Variants in SEMA5A observed in about 807,000 individuals in gnomAD.
SEMA5A encodes the protein semaphorin 5A.
SEMA5A carries 55 observed loss-of-function variants against 135.5 expected under a neutral mutation model. The ratio of observed to expected loss-of-function variants is 0.41; its 90% confidence interval spans 0.33 to 0.51. The LOEUF is 0.51. Ranked by LOEUF, SEMA5A falls within the 20% of genes least tolerant of loss-of-function variation. SEMA5A has a pLI of 0.37. For synonymous variants in SEMA5A, 580 were observed against 546.5 expected, an observed-to-expected ratio of 1.06 and a Z score of -0.85; for missense variants, 1,290 against 1,419.9, an observed-to-expected ratio of 0.91 and a Z score of 1.47.
chr5:9,162,922 T>C (rs1425599970), intron 11 of SEMA5A, among the ~76,000 whole-genome samples: 1 of 152,166 alleles, frequency 6.6e-6, no homozygotes, highest in Non-Finnish European at 1.5e-5. Context: ...GGTTTCTGAA[T>C]TTTTGAAGGT....
At chr5:9,091,529 C>G (rs1739034147) in intron 16 of SEMA5A, among the ~76,000 whole-genome samples, 1 of 152,172 alleles carries the variant, frequency 6.6e-6, no homozygotes, top group African/African-American at 2.4e-5. Context: ...CATCTCCTTA[C>G]AAGCACTAGA....
intron 22 of SEMA5A, 84 bp downstream of exon 22, chr5:9,044,283 AACCACC>A: frequency 8.9e-7 from 1 of 1,120,462 alleles, no homozygotes; most frequent in Non-Finnish European, 1.3e-6. Flanking sequence ...TTTCAAAGGA[AACCACC>A]ACAGCAGAGA....
rs749703655 is a variant in SEMA5A at position 9,201,946 on chromosome 5, G to A, written c.932+9C>T. 1 of 1,610,914 alleles carries A rather than the reference G, an allele frequency of 6.2e-7. No homozygotes were observed. On this transcript the variant is annotated intron_variant, in intron 9 of 22. Transcript: ENST00000382496. ...AGAGAGGGGAGAAAAATTATTTCAAGTTACATACACATTGGTGGTAAAGAT... is the reference window on the plus strand; with the variant it reads ...AGAGAGGGGAGAAAAATTATTTCAAATTACATACACATTGGTGGTAAAGAT...
At chr5:9,287,255 A>G (rs1022482254) in intron 5 of SEMA5A, among the ~76,000 whole-genome samples, 4 of 152,206 alleles carry the variant, frequency 2.6e-5, no homozygotes, top group Non-Finnish European at 5.9e-5. Context: ...TATTAACATC[A>G]TCAGCTAGGG....
chr5:9,450,286 C>A (rs1052873101), intron 1 of SEMA5A, among the ~76,000 whole-genome samples: 1 of 152,284 alleles, frequency 6.6e-6, no homozygotes, highest in Non-Finnish European at 1.5e-5. Flanking sequence ...AAAATAGCTT[C>A]CCCTTAGAAA....
chr5:9,050,761 G>A (rs1314459935), intron 20 of SEMA5A, among the ~76,000 whole-genome samples: 1 of 152,198 alleles, frequency 6.6e-6, no homozygotes, highest in Non-Finnish European at 1.5e-5. Context: ...TGTCTTGCCG[G>A]GGGGATCCCC....
At chr5:9,284,695 G>T (rs1750708456) in intron 5 of SEMA5A, among the ~76,000 whole-genome samples, 1 of 152,028 alleles carries the variant, frequency 6.6e-6, no homozygotes, top group Non-Finnish European at 1.5e-5. Context: ...CCCTGATCAT[G>T]GGCTAATGCA....
intron 8 of SEMA5A, among the ~76,000 whole-genome samples, chr5:9,209,620 T>C (rs1746233963): frequency 6.6e-6 from 1 of 152,214 alleles, no homozygotes; most frequent in South Asian, 2.1e-4. Context: ...ATCATACTTC[T>C]TCCCAATAAG....
chr5:9,050,683 T>C (rs924234928), intron 20 of SEMA5A, among the ~76,000 whole-genome samples: 7 of 152,254 alleles, frequency 4.6e-5, no homozygotes, highest in African/African-American at 1.7e-4. Flanking sequence ...GATTCATTTA[T>C]CACAGAAAGA....
intron 4 of SEMA5A, among the ~76,000 whole-genome samples, chr5:9,332,916 C>T (rs1255538101): frequency 6.6e-6 from 1 of 152,222 alleles, no homozygotes; most frequent in African/African-American, 2.4e-5. Context: ...CCACCTTACC[C>T]ATGGCAGATG....
At position 9,484,669 on chromosome 5, in the gene SEMA5A, T is replaced by C. The variant is rs181020001; in HGVS notation, c.-174-46817A>G. Among the ~76,000 whole-genome samples the C allele has an allele frequency of 2.9e-4, 44 of 152,356 alleles. No homozygotes were observed. In the East Asian group the frequency reaches 6.9e-3, roughly 24 times the overall value. The stretch of plus-strand genomic sequence containing the variant: ...TTAAATGTTATTTGGATTGTTCATA[T>C]GCTTAACATTGAAGGTGTAATTAAG... On this transcript the variant is annotated intron_variant, in intron 1 of 22. Coordinates refer to ENST00000382496, the MANE Select transcript of SEMA5A (RefSeq NM_003966.3).
intron 1 of SEMA5A, among the ~76,000 whole-genome samples, chr5:9,503,995 T>A (rs1444679959): frequency 2.6e-5 from 4 of 151,978 alleles, no homozygotes; most frequent in Middle Eastern, 3.2e-3. Flanking sequence ...GGCGGGCAGA[T>A]CACAAGGTCA....
intron 1 of SEMA5A, among the ~76,000 whole-genome samples, chr5:9,486,279 G>T (rs150417534): frequency 0.015 from 2,293 of 152,218 alleles, 23 homozygotes; most frequent in Non-Finnish European, 0.023. Flanking sequence ...TGAGTGGGGT[G>T]GATTGTGAGG....
chr5:9,319,297 G>A (rs1246394200), intron 4 of SEMA5A, among the ~76,000 whole-genome samples: 2 of 152,146 alleles, frequency 1.3e-5, no homozygotes, highest in Non-Finnish European at 2.9e-5. Flanking sequence ...GAACTTGGTG[G>A]TCTGCCCAAA....
intron 16 of SEMA5A, among the ~76,000 whole-genome samples, chr5:9,069,293 C>G (rs1399880421): frequency 6.6e-6 from 1 of 152,214 alleles, no homozygotes; most frequent in Non-Finnish European, 1.5e-5. Context: ...AATCACAGGA[C>G]TGGGAAGCAT....
intron 1 of SEMA5A, among the ~76,000 whole-genome samples, chr5:9,473,666 AG>A (rs1759564608): frequency 6.6e-6 from 1 of 152,132 alleles, no homozygotes; most frequent in African/African-American, 2.4e-5. Flanking sequence ...GAGAAGAGAA[AG>A]AAACAGGCTC....
chr5:9,107,436 T>C (rs1739981151), intron 16 of SEMA5A, among the ~76,000 whole-genome samples: 2 of 152,156 alleles, frequency 1.3e-5, no homozygotes, highest in South Asian at 4.1e-4. Flanking sequence ...AATGGCTCCA[T>C]ATAGTTTCTC....
intron 2 of SEMA5A, among the ~76,000 whole-genome samples, chr5:9,417,891 G>A (rs537025400): frequency 8.5e-5 from 13 of 152,204 alleles, no homozygotes; most frequent in Admixed American, 3.9e-4. Context: ...GTCTGAGGGA[G>A]CTCCTTTCCT....
intron 11 of SEMA5A, among the ~76,000 whole-genome samples, chr5:9,185,282 G>A (rs900712155): frequency 1.5e-4 from 23 of 152,140 alleles, no homozygotes; most frequent in Admixed American, 1.5e-3. Context: ...TAACCTTGGG[G>A]CTAGGGGAAG....
Sources: allele counts gnomAD v4.1 joint callset (sites outside exome capture counted in the v4.1 genomes callset), GRCh38; gene constraint gnomAD v4.1.1; transcripts MANE v1.5; gene names NCBI Gene and HGNC (gene_info 2026-07-23, HGNC 2026-07-21).